Variants in ARHGAP10 observed in about 807,000 individuals in gnomAD.
The protein encoded by ARHGAP10 is rho GTPase-activating protein 10.
A neutral mutation model predicts 108.6 loss-of-function variants in ARHGAP10; 87 were observed. The ratio of observed to expected loss-of-function variants is 0.80; its 90% CI spans 0.67 to 0.96. ARHGAP10 has a LOEUF of 0.96. Ranked by LOEUF, ARHGAP10 falls within the 40% of genes least tolerant of loss-of-function variation. ARHGAP10 has a pLI of 0.00. For missense variants in ARHGAP10, 939 were observed against 954.5 expected, an observed-to-expected ratio of 0.98 and a Z score of 0.21; for synonymous variants, 347 against 341.1, an observed-to-expected ratio of 1.02 and a Z score of -0.19.
chr4:147,966,664 C>T lies in ARHGAP10; in HGVS notation c.1557-16C>T. ...TCCTTTGGTTAAACAGATTCCTCCCCCCTTACCAATTTCAGTGTTTCAAAT... is the reference window on the plus strand; with the variant it reads ...TCCTTTGGTTAAACAGATTCCTCCCTCCTTACCAATTTCAGTGTTTCAAAT... On this transcript the variant is annotated splice_polypyrimidine_tract_variant and intron_variant, in intron 17 of 22. Coordinates refer to ENST00000336498, the MANE Select transcript of ARHGAP10 (RefSeq NM_024605.4). 2 of 1,549,212 alleles carry T rather than the reference C, an allele frequency of 1.3e-6. No individual in the cohort carries two copies. The highest frequency in any genetic ancestry group is 1.8e-6 in the Non-Finnish European group (2 of 1,139,990).
intron 13 of ARHGAP10, among the ~76,000 whole-genome samples, chr4:147,914,591 C>T (rs1465902244): frequency 3.3e-4 from 5 of 15,000 alleles, no homozygotes; most frequent in Non-Finnish European, 7.2e-4. Context: ...ACATCTTCAG[C>T]ATTTTTGTAC....
intron 19 of ARHGAP10, among the ~76,000 whole-genome samples, chr4:148,034,546 C>T (rs1467553012): frequency 6.7e-6 from 1 of 149,860 alleles, no homozygotes; most frequent in Admixed American, 6.7e-5. Context: ...CCAGGCTGGT[C>T]TTGAGCTCCT....
intron 18 of ARHGAP10, among the ~76,000 whole-genome samples, chr4:147,980,282 T>C (rs1157100081): frequency 1.3e-5 from 2 of 152,216 alleles, no homozygotes; most frequent in African/African-American, 4.8e-5. Flanking sequence ...TTTTTCTGTG[T>C]CTATTGAGAT....
At chr4:147,946,592 T>G in intron 14 of ARHGAP10, 25 bp from the exon 15 acceptor site, 1 of 1,601,770 alleles carries the variant, frequency 6.2e-7, no homozygotes, top group Middle Eastern at 1.7e-4. Flanking sequence ...TTTAATTATT[T>G]TTTTCTTGTT....
chr4:147,743,715 TG>T (rs1229464119), intron 1 of ARHGAP10, among the ~76,000 whole-genome samples: 1 of 152,168 alleles, frequency 6.6e-6, no homozygotes, highest in Non-Finnish European at 1.5e-5. Flanking sequence ...AGGCAGAGGT[TG>T]CGGTGAGCCA....
intron 1 of ARHGAP10, among the ~76,000 whole-genome samples, chr4:147,813,982 T>C (rs780214217): frequency 3.3e-5 from 5 of 152,370 alleles, no homozygotes; most frequent in Non-Finnish European, 7.3e-5. Context: ...TGTGTTTTCC[T>C]GATAGCAGTA....
intron 20 of ARHGAP10, among the ~76,000 whole-genome samples, chr4:148,051,957 T>A (rs1006607962): frequency 6.6e-6 from 1 of 152,200 alleles, no homozygotes; most frequent in Non-Finnish European, 1.5e-5. Flanking sequence ...TGCTTGGCAT[T>A]TCAAATTACT....
At chr4:147,811,343 C>A (rs542078346) in intron 1 of ARHGAP10, among the ~76,000 whole-genome samples, 3 of 152,280 alleles carry the variant, frequency 2.0e-5, no homozygotes, top group African/African-American at 7.2e-5. Flanking sequence ...CATGTGTGAA[C>A]CCACTGTGTA....
chr4:147,807,776 A>T (rs900227093), intron 1 of ARHGAP10, among the ~76,000 whole-genome samples: 2 of 152,240 alleles, frequency 1.3e-5, no homozygotes, highest in Non-Finnish European at 2.9e-5. Context: ...AAAAAGTTGA[A>T]CAAATAGAGT....
intron 18 of ARHGAP10, among the ~76,000 whole-genome samples, chr4:147,980,490 G>A (rs1739771681): frequency 6.6e-6 from 1 of 152,076 alleles, no homozygotes; most frequent in Non-Finnish European, 1.5e-5. Flanking sequence ...ATATTGGCAT[G>A]TAGTTTTTTG....
In ARHGAP10 at chr4:147,895,069, A is replaced by T. The variant is rs189633411; in HGVS notation, c.1035-11569A>T. ...CCATAGGTCAATATTGTGAATATAG[A>T]ACCTTACAGTTCATGAACTTGATTT... On this transcript the variant is annotated intron_variant, in intron 10 of 22. Transcript: ENST00000336498. Among the ~76,000 whole-genome samples, 20 of 152,210 alleles carry T rather than the reference A, an allele frequency of 1.3e-4. No individual in the cohort carries two copies. The East Asian group carries it at 3.9e-3, about 29-fold the overall frequency.
chr4:147,772,405 T>A (rs966620994), intron 1 of ARHGAP10, among the ~76,000 whole-genome samples: 1 of 152,232 alleles, frequency 6.6e-6, no homozygotes, highest in Non-Finnish European at 1.5e-5. Flanking sequence ...ATCTTTTTTT[T>A]AAGCCACAGT....
chr4:147,982,474 AC>A (rs1398617059), intron 18 of ARHGAP10, among the ~76,000 whole-genome samples: 1 of 146,786 alleles, frequency 6.8e-6, no homozygotes, highest in Non-Finnish European at 1.5e-5. Flanking sequence ...CCAGGCTCAG[AC>A]AACCCTCCCA....
chr4:147,977,867 T>A (rs1739657405), intron 18 of ARHGAP10, among the ~76,000 whole-genome samples: 1 of 152,160 alleles, frequency 6.6e-6, no homozygotes, highest in Non-Finnish European at 1.5e-5. Flanking sequence ...TATATCTGTG[T>A]AAACCCAAGA....
At chr4:147,949,182 C>G (rs1232562113) in intron 15 of ARHGAP10, among the ~76,000 whole-genome samples, 2 of 152,162 alleles carry the variant, frequency 1.3e-5, no homozygotes, top group East Asian at 3.8e-4. Flanking sequence ...TTTTCTGAAA[C>G]TGTTATGTGC....
At chr4:147,943,670 T>G (rs756940106) in intron 14 of ARHGAP10, among the ~76,000 whole-genome samples, 16 of 152,256 alleles carry the variant, frequency 1.1e-4, no homozygotes, top group Non-Finnish European at 2.2e-4. Context: ...TAAAGTGTCC[T>G]TCCTTGGTCA....
At chr4:148,063,346 A>G (rs1729711583) in intron 21 of ARHGAP10, 46 bp downstream of exon 21, 1 of 1,610,168 alleles carries the variant, frequency 6.2e-7, no homozygotes, top group Non-Finnish European at 8.5e-7. Context: ...CAGCACACAC[A>G]GGGGGCTTGA....
chr4:147,853,955 C>A (rs925202484), intron 4 of ARHGAP10, among the ~76,000 whole-genome samples: 7 of 152,112 alleles, frequency 4.6e-5, no homozygotes, highest in Non-Finnish European at 1.0e-4. Flanking sequence ...GTTGAATCGT[C>A]TCTTCCTTTT....
At chr4:147,988,465 C>T (rs1226676523) in intron 18 of ARHGAP10, among the ~76,000 whole-genome samples, 1 of 152,142 alleles carries the variant, frequency 6.6e-6, no homozygotes, top group African/African-American at 2.4e-5. Context: ...TTACAGTTCC[C>T]TCCTCCATCT....
Sources: allele counts gnomAD v4.1 joint callset (sites outside exome capture counted in the v4.1 genomes callset), GRCh38; gene constraint gnomAD v4.1.1; transcripts MANE v1.5; gene names NCBI Gene and HGNC (gene_info 2026-07-23, HGNC 2026-07-21).